PLD5: variants seen among roughly 807,000 people sequenced by gnomAD.
PLD5 encodes inactive phospholipase D5.
Under a neutral mutation model 61.1 loss-of-function variants are expected in PLD5, and 36 were observed. The ratio of observed to expected loss-of-function variants is 0.59; its 90% CI spans 0.45 to 0.78. The LOEUF (loss-of-function observed/expected upper bound fraction) is 0.78, where lower values mean the gene tolerates loss of function less well. Among genes scored for constraint, PLD5 ranks in the 30% least tolerant of loss-of-function variants. The pLI, the probability that PLD5 is intolerant of heterozygous loss-of-function variation, is 0.00. For synonymous variants in PLD5, 243 were observed against 242.8 expected, an observed-to-expected ratio of 1.00 and a Z score of -0.01; for missense variants, 515 against 644.4, an observed-to-expected ratio of 0.80 and a Z score of 2.17.
At chr1:242,511,197 C>T (rs899437165) in intron 1 of PLD5, among the ~76,000 whole-genome samples, 1 of 152,114 alleles carries the variant, frequency 6.6e-6, no homozygotes, top group Non-Finnish European at 1.5e-5. Context: ...AAAGTACCAT[C>T]GAACTGGATT....
At position 242,100,743 on chromosome 1, in the gene PLD5, T is replaced by C; in HGVS notation, c.1279A>G (p.Lys427Glu). The C allele has an allele frequency of 6.2e-7, 1 of 1,614,096 alleles. No homozygotes were observed. Among genetic ancestry groups the C allele is most frequent in the South Asian group, 1.1e-5 (1 of 91,082 alleles). Reference sequence around the variant, plus strand: ...GGAAAGGTGTGATTCTTTTGTTCTTTTGTAGCACAAGCATTCTCTCTTTCC... The same window carrying C: ...GGAAAGGTGTGATTCTTTTGTTCTTCTGTAGCACAAGCATTCTCTCTTTCC... Reference protein sequence around the residue: ...DLERENACATKEQKNHTFPRL... With the variant: ...DLERENACATEEQKNHTFPRL... Residue 427 changes from lysine (K) to glutamate (E), a missense_variant, in exon 9 of 10, where the codon AAA (lysine) becomes GAA (glutamate). Lys to Glu is a moderately conservative substitution (Grantham distance 56). Transcript: ENST00000536534.
chr1:242,185,262 C>G (rs1667797472), intron 5 of PLD5, among the ~76,000 whole-genome samples: 1 of 152,088 alleles, frequency 6.6e-6, no homozygotes, highest in Non-Finnish European at 1.5e-5. Flanking sequence ...GCAATGGGAA[C>G]CTACCACAGG....
intron 5 of PLD5, among the ~76,000 whole-genome samples, chr1:242,203,098 A>T (rs1425797616): frequency 2.0e-5 from 3 of 152,152 alleles, no homozygotes; most frequent in Non-Finnish European, 4.4e-5. Flanking sequence ...ACTGGTCCCA[A>T]ATGAGCAGGA....
chr1:242,181,583 A>G (rs888558028), intron 5 of PLD5, among the ~76,000 whole-genome samples: 3 of 152,162 alleles, frequency 2.0e-5, no homozygotes, highest in Non-Finnish European at 4.4e-5. Flanking sequence ...CCTGAGCCCA[A>G]CACTATTCTC....
intron 1 of PLD5, among the ~76,000 whole-genome samples, chr1:242,424,818 C>G (rs959666127): frequency 6.6e-6 from 1 of 152,118 alleles, no homozygotes; most frequent in African/African-American, 2.4e-5. Flanking sequence ...AAAATGTTTC[C>G]CAGTATTTTA....
chr1:242,125,722 C>T (rs774305270), intron 5 of PLD5, among the ~76,000 whole-genome samples: 1 of 152,106 alleles, frequency 6.6e-6, no homozygotes, highest in African/African-American at 2.4e-5. Flanking sequence ...CCCTTTTTAT[C>T]CCTTCCTTAA....
At chr1:242,445,121 G>A (rs984370517) in intron 1 of PLD5, among the ~76,000 whole-genome samples, 6 of 152,118 alleles carry the variant, frequency 3.9e-5, no homozygotes, top group Admixed American at 6.6e-5. Context: ...AGAAGGTAGG[G>A]CATGTGGAAG....
chr1:242,152,143 C>T (rs901610543), intron 5 of PLD5, among the ~76,000 whole-genome samples: 1 of 151,954 alleles, frequency 6.6e-6, no homozygotes, highest in Non-Finnish European at 1.5e-5. Context: ...TCTGGAGGCT[C>T]TAGGGGATAA....
rs192769280 is a variant in PLD5 at position 242,256,313 on chromosome 1, C to T, written c.607+9024G>A. ...AATATGGATAAAAAGATAGGGAAAT[C>T]TAGAAATTTAATTTTAAAATCTCAT... is the stretch of plus-strand genomic sequence containing the variant. On this transcript the variant is annotated intron_variant, in intron 4 of 9. Coordinates refer to ENST00000536534, the MANE Select transcript of PLD5 (RefSeq NM_001372062.1). The surrounding 1 kb of genome is among the most constrained non-coding windows in gnomAD (Gnocchi z 5.7). Among the ~76,000 whole-genome samples the T allele has an allele frequency of 4.6e-5, 7 of 152,238 alleles. No individual in the cohort carries two copies. The highest frequency in any genetic ancestry group is 2.6e-4 in the Admixed American group (4 of 15,280).
intron 2 of PLD5, among the ~76,000 whole-genome samples, chr1:242,317,160 C>A (rs1658065756): frequency 6.6e-6 from 1 of 151,938 alleles, no homozygotes; most frequent in African/African-American, 2.4e-5. Context: ...ATTACAGGCG[C>A]CCACCACCAT....
chr1:242,114,037 A>G lies in PLD5; in HGVS notation c.934-11T>C. 1 of 1,610,714 alleles carries G rather than the reference A, an allele frequency of 6.2e-7. No homozygotes were observed. Among genetic ancestry groups the G allele is most frequent in the Non-Finnish European group, 8.5e-7 (1 of 1,178,406 alleles). On this transcript the variant is annotated splice_polypyrimidine_tract_variant and intron_variant, in intron 6 of 9. Transcript: ENST00000536534. ...GAGTTTTGGAGAATTCTGTGAAGAC[A>G]CAAAAGCCAAACTTTTAGCGTACTA...
chr1:242,435,575 G>C (rs992830285), intron 1 of PLD5, among the ~76,000 whole-genome samples: 3 of 152,078 alleles, frequency 2.0e-5, no homozygotes, highest in Non-Finnish European at 4.4e-5. Flanking sequence ...TGAGTTCAGT[G>C]TTAATGAATC....
chr1:242,207,792 A>ATT (rs1558343641), intron 5 of PLD5, among the ~76,000 whole-genome samples: 12 of 35,874 alleles, frequency 3.3e-4, no homozygotes, highest in African/African-American at 5.6e-4. Flanking sequence ...ATTTATATTT[A>ATT]TATATATTTA....
chr1:242,468,706 CACACACACAT>C (rs1357280641), intron 1 of PLD5, among the ~76,000 whole-genome samples: 3 of 152,000 alleles, frequency 2.0e-5, no homozygotes, highest in African/African-American at 4.8e-5. Context: ...CACACGCACA[CACACACACAT>C]ACACACACAT....
intron 1 of PLD5, among the ~76,000 whole-genome samples, chr1:242,423,358 A>G (rs1665248162): frequency 6.6e-6 from 1 of 152,098 alleles, no homozygotes; most frequent in South Asian, 2.1e-4. Context: ...GATGGGGTAC[A>G]TGGATAAAAG....
chr1:242,285,105 G>C (rs1674943270), intron 3 of PLD5, among the ~76,000 whole-genome samples: 1 of 152,218 alleles, frequency 6.6e-6, no homozygotes, highest in South Asian at 2.1e-4. Flanking sequence ...CGATAGTTAG[G>C]TCATAGGCAG....
At position 242,157,135 on chromosome 1, in the gene PLD5, T is replaced by C. The variant is rs576343461; in HGVS notation, c.736-32470A>G. ...CAATCTCTGATATCTTTACTTCCAA[T>C]TGATCAATTCGGCTATTGATACTGT... On this transcript the variant is annotated intron_variant, in intron 5 of 9. Coordinates refer to ENST00000536534, the MANE Select transcript of PLD5 (RefSeq NM_001372062.1). Among the ~76,000 whole-genome samples the C allele has an allele frequency of 2.1e-3, 325 of 152,358 alleles. 1 individual carries two copies. Among genetic ancestry groups the C allele is most frequent in the Non-Finnish European group, 3.8e-3 (257 of 68,034 alleles).
intron 2 of PLD5, among the ~76,000 whole-genome samples, chr1:242,346,274 GA>G (rs893410162): frequency 2.7e-5 from 4 of 149,104 alleles, no homozygotes; most frequent in African/African-American, 9.9e-5. Context: ...TCCTCCAAGT[GA>G]AAAAAAAATG....
At chr1:242,326,447 G>A (rs370327407) in intron 2 of PLD5, among the ~76,000 whole-genome samples, 3 of 152,146 alleles carry the variant, frequency 2.0e-5, no homozygotes, top group East Asian at 1.9e-4. Context: ...CTGTTTGTAC[G>A]TGGATAAGTT....
Sources: allele counts gnomAD v4.1 joint callset (sites outside exome capture counted in the v4.1 genomes callset), GRCh38; gene constraint gnomAD v4.1.1; non-coding constraint Gnocchi (gnomAD v3.1); transcripts MANE v1.5; gene names NCBI Gene and HGNC (gene_info 2026-07-23, HGNC 2026-07-21).